The following CCSER2 variants were observed in gnomAD, a reference collection of about 807,000 sequenced individuals.
CCSER2 encodes serine-rich coiled-coil domain-containing protein 2.
CCSER2 carries 46 observed loss-of-function variants against 92.3 expected under a neutral mutation model. The observed-to-expected ratio is 0.50, with a 90% CI of 0.39 to 0.64. The LOEUF (loss-of-function observed/expected upper bound fraction) is 0.64, where lower values mean the gene tolerates loss of function less well. Ranked by LOEUF, CCSER2 falls within the 30% of genes least tolerant of loss-of-function variation. CCSER2 has a pLI of 0.00. For synonymous variants in CCSER2, 433 were observed against 431.4 expected (o/e 1.00, Z -0.04); for missense variants, 1,244 against 1,238.9 (o/e 1.00, Z -0.06).
rs879619086 is a variant in CCSER2, at chr10:84,394,402, TG to T, written c.1614+20588del. 7.5e-3 allele frequency among the ~76,000 whole-genome samples: 1,132 copies of T among 151,394 alleles called. 8 individuals are homozygous for T. The highest frequency in any genetic ancestry group is 0.012 in the Non-Finnish European group (838 of 67,860). ...AGGAAAGTATGTGTGTGTGTGTGTG[TG>T]TGTGTGTGTGTGTGTGTGTGTTGGG... On this transcript the variant is annotated intron_variant, in intron 3 of 9. Coordinates refer to ENST00000372088, the MANE Select transcript of CCSER2 (RefSeq NM_001284240.2).
chr10:84,499,414 G>A (rs1848608101), intron 9 of CCSER2, among the ~76,000 whole-genome samples: 1 of 152,134 alleles, frequency 6.6e-6, no homozygotes, highest in South Asian at 2.1e-4. Context: ...GATTACATGC[G>A]TGAGCCCACT....
chr10:84,484,282 T>G (rs1847668503), intron 9 of CCSER2, among the ~76,000 whole-genome samples: 1 of 151,556 alleles, frequency 6.6e-6, no homozygotes. Context: ...AGCCCTAATT[T>G]CTATATTTTT....
chr10:84,363,678 T>G (rs1276573814), intron 1 of CCSER2, among the ~76,000 whole-genome samples: 1 of 152,266 alleles, frequency 6.6e-6, no homozygotes, highest in Non-Finnish European at 1.5e-5. Flanking sequence ...CAGCTCTTAC[T>G]GTTCTTCTGC....
intron 2 of CCSER2, 73 bp downstream of exon 2, chr10:84,372,542 T>C (rs1846121080): frequency 1.1e-6 from 1 of 886,472 alleles, no homozygotes; most frequent in Admixed American, 2.5e-5. Context: ...TAGGATTATC[T>C]TCAGATAGAT....
intron 7 of CCSER2, among the ~76,000 whole-genome samples, chr10:84,469,963 T>C (rs1295883256): frequency 6.6e-6 from 1 of 151,836 alleles, no homozygotes; most frequent in Non-Finnish European, 1.5e-5. Context: ...TTTCACAGGC[T>C]ACTCTTATGT....
chr10:84,449,359 A>G (rs955822468), intron 6 of CCSER2, among the ~76,000 whole-genome samples: 1 of 150,266 alleles, frequency 6.7e-6, no homozygotes, highest in Admixed American at 6.6e-5. Context: ...TGGGCAACAG[A>G]GTAAGAGTCT....
In CCSER2 at chr10:84,371,890, C is replaced by G. The variant is rs752043393; in HGVS notation, c.838C>G (p.Leu280Val). ...LTRNSRQPEV[L>V]NGNEHLGYGF... ...AAGAAATTCCCGGCAGCCAGAAGTACTCAATGGGAATGAACATTTGGGGTA... is the reference window on the plus strand; with the variant it reads ...AAGAAATTCCCGGCAGCCAGAAGTAGTCAATGGGAATGAACATTTGGGGTA... Residue 280 changes from leucine (L) to valine (V), a missense_variant, in exon 2 of 10, where the codon CTC becomes GTC. Transcript: ENST00000372088. The G allele has an allele frequency of 1.2e-5, 19 of 1,613,636 alleles. No individual in the cohort carries two copies. The highest frequency in any genetic ancestry group is 1.4e-5 in the Non-Finnish European group (17 of 1,179,760).
intron 4 of CCSER2, 60 bp from the exon 5 acceptor site, chr10:84,425,671 A>C (rs1171166519): frequency 1.7e-6 from 2 of 1,171,644 alleles, no homozygotes; most frequent in African/African-American, 3.1e-5. Flanking sequence ...TCAAGCTATA[A>C]GAGTCAACTT....
At chr10:84,360,190 C>T (rs989832359) in intron 1 of CCSER2, among the ~76,000 whole-genome samples, 1 of 151,790 alleles carries the variant, frequency 6.6e-6, no homozygotes, top group Non-Finnish European at 1.5e-5. Context: ...ATAATTAATC[C>T]CTGGTGTTAT....
chr10:84,507,206 C>G (rs1299511988), intron 9 of CCSER2: 1 of 478,678 alleles, frequency 2.1e-6, no homozygotes, highest in Non-Finnish European at 2.7e-6. Flanking sequence ...GCCACCCAGT[C>G]ATGGCAATCC....
chr10:84,396,036 A>T (rs1841812369), intron 3 of CCSER2, among the ~76,000 whole-genome samples: 1 of 152,266 alleles, frequency 6.6e-6, no homozygotes, highest in East Asian at 1.9e-4. Context: ...TTCCGTATAT[A>T]TTAAAGACCA....
chr10:84,366,557 T>G (rs1845785520), intron 1 of CCSER2, among the ~76,000 whole-genome samples: 2 of 152,220 alleles, frequency 1.3e-5, no homozygotes, highest in African/African-American at 4.8e-5. Flanking sequence ...AGATTAATTT[T>G]AACTGGAAAT....
At chr10:84,394,652 A>T (rs4415697) in intron 3 of CCSER2, among the ~76,000 whole-genome samples, 2 of 151,948 alleles carry the variant, frequency 1.3e-5, no homozygotes, top group African/African-American at 4.8e-5. Flanking sequence ...CCCCAGGGAA[A>T]TAAGATGGTG....
At chr10:84,471,957 A>G (rs577726910) in intron 8 of CCSER2, among the ~76,000 whole-genome samples, 1 of 152,284 alleles carries the variant, frequency 6.6e-6, no homozygotes, top group Non-Finnish European at 1.5e-5. Context: ...AATATTCAAC[A>G]TTCTTAATTT....
At chr10:84,369,412 A>T (rs1845949960) in intron 1 of CCSER2, among the ~76,000 whole-genome samples, 2 of 152,040 alleles carry the variant, frequency 1.3e-5, no homozygotes, top group Admixed American at 1.3e-4. Flanking sequence ...GTCCCTGATG[A>T]TTAGTGATGT....
intron 7 of CCSER2, among the ~76,000 whole-genome samples, chr10:84,464,667 A>C (rs1846289191): frequency 6.6e-6 from 1 of 152,148 alleles, no homozygotes; most frequent in Non-Finnish European, 1.5e-5. Flanking sequence ...ATAATAATGA[A>C]ATTTATATTT....
chr10:84,377,587 CT>C (rs1158621702), intron 3 of CCSER2, among the ~76,000 whole-genome samples: 1 of 151,992 alleles, frequency 6.6e-6, no homozygotes, highest in Non-Finnish European at 1.5e-5. Flanking sequence ...CAGCTTTGTT[CT>C]TTTCCAAGAT....
chr10:84,374,087 G>T (rs1846206277), intron 3 of CCSER2: 1 of 708,302 alleles, frequency 1.4e-6, no homozygotes, highest in South Asian at 2.6e-5. Context: ...ATCTATGCCA[G>T]TGGTTCTCAA....
rs537748785 is a variant in CCSER2 at position 84,442,007 on chromosome 10, C to T, written c.2064+3300C>T. Among the ~76,000 whole-genome samples, 29 of 152,128 alleles carry T rather than the reference C, an allele frequency of 1.9e-4. 2 individuals are homozygous for T. The East Asian group carries it at 4.1e-3, about 21-fold the overall frequency. The stretch of plus-strand genomic sequence containing the variant: ...TCCTGACCTTGTGATCTGCCCACCT[C>T]GGCCTCCCAAAGTGCTGGGATTACA... On this transcript the variant is annotated intron_variant, in intron 6 of 9. Coordinates refer to ENST00000372088, the MANE Select transcript of CCSER2 (RefSeq NM_001284240.2).
Sources: allele counts gnomAD v4.1 joint callset (sites outside exome capture counted in the v4.1 genomes callset), GRCh38; gene constraint gnomAD v4.1.1; transcripts MANE v1.5; gene names NCBI Gene and HGNC (gene_info 2026-07-23, HGNC 2026-07-21).